The following GALNT14 variants were observed in gnomAD, a reference collection of about 807,000 sequenced individuals.
GALNT14 encodes the protein UDP-GalNAc:polypeptide N-acetylgalactosaminyltransferase 14.
In GALNT14, 60 loss-of-function variants were observed where a neutral mutation model predicts 77.5. The observed-to-expected ratio is 0.77, with a 90% CI of 0.63 to 0.96. The LOEUF is 0.96. Among genes scored for constraint, GALNT14 ranks in the 40% least tolerant of loss-of-function variants. GALNT14 has a pLI of 0.00. For missense variants in GALNT14, 710 were observed against 731.0 expected (o/e 0.97, Z 0.33); for synonymous variants, 280 against 281.7 (o/e 0.99, Z 0.06).
At chr2:31,102,170 A>AAT in intron 1 of GALNT14, among the ~76,000 whole-genome samples, 1 of 85,542 alleles carries the variant, frequency 1.2e-5, no homozygotes, top group Non-Finnish European at 2.2e-5. Context: ...CTAACTCATT[A>AAT]ATCTCTTTTA....
chr2:30,993,003 G>A lies in GALNT14; in HGVS notation c.134C>T (p.Ser45Leu), dbSNP rs867404786. Reference protein sequence around the residue: ...TGPEVQTPKPSDADWDDLWDQ... With the variant: ...TGPEVQTPKPLDADWDDLWDQ... ...CCACAGGTCGTCCCAGTCAGCGTCC[G>A]AAGGCTGCGTGACACGAATGGGAAG... is the stretch of plus-strand genomic sequence containing the variant. Residue 45 changes from serine to leucine, a missense_variant, in exon 2 of 15, where the codon TCG becomes TTG. By Grantham distance (145) the Ser-to-Leu change is moderately radical. Coordinates refer to ENST00000349752, the MANE Select transcript of GALNT14 (RefSeq NM_024572.4). 10 of 1,613,824 alleles carry A rather than the reference G, an allele frequency of 6.2e-6. No homozygotes were observed. The highest frequency in any genetic ancestry group is 4.5e-5 in the East Asian group (2 of 44,870).
intron 1 of GALNT14, among the ~76,000 whole-genome samples, chr2:31,068,359 CG>C (rs1675119107): frequency 6.6e-6 from 1 of 151,930 alleles, no homozygotes; most frequent in Non-Finnish European, 1.5e-5. Context: ...GGGTGGTACA[CG>C]CCTGTAATCC....
chr2:31,133,193 C>A (rs72856367), intron 1 of GALNT14, among the ~76,000 whole-genome samples: 3,926 of 152,228 alleles, frequency 0.026, 170 homozygotes, highest in African/African-American at 0.09. Context: ...TCAGCCACTC[C>A]GCGTGTATTA....
At chr2:30,970,434 G>A (rs777192667) in intron 2 of GALNT14, among the ~76,000 whole-genome samples, 34 of 152,164 alleles carry the variant, frequency 2.2e-4, no homozygotes, top group Admixed American at 7.2e-4. Flanking sequence ...GATGATGCAC[G>A]TAAGCACGTG....
At chr2:30,890,044 G>C in the GALNT14 span, among the ~76,000 whole-genome samples, 1 of 152,086 alleles carries the variant, frequency 6.6e-6, no homozygotes, top group Non-Finnish European at 1.5e-5. Flanking sequence ...ATGAACCTGT[G>C]GTCTCCCCAT....
chr2:30,922,603 C>G (rs1665098037), intron 13 of GALNT14, among the ~76,000 whole-genome samples: 1 of 152,206 alleles, frequency 6.6e-6, no homozygotes. Context: ...TGGCCTATTT[C>G]TACTCATCTC....
chr2:31,115,711 C>T (rs1245764936), intron 1 of GALNT14, among the ~76,000 whole-genome samples: 2 of 152,138 alleles, frequency 1.3e-5, no homozygotes, highest in African/African-American at 4.8e-5. Flanking sequence ...GGCCCATCTG[C>T]CCACAGGGTA....
chr2:30,913,853 C>T (rs1333913349), intron 13 of GALNT14, among the ~76,000 whole-genome samples: 2 of 152,140 alleles, frequency 1.3e-5, no homozygotes, highest in Non-Finnish European at 2.9e-5. Flanking sequence ...GGTACATGGG[C>T]GTTCTTTATA....
chr2:31,102,875 T>A (rs1463939753), intron 1 of GALNT14, among the ~76,000 whole-genome samples: 1 of 152,154 alleles, frequency 6.6e-6, no homozygotes, highest in East Asian at 1.9e-4. Context: ...TCTTATTTAA[T>A]GCATTTTAAT....
chr2:31,102,074 T>C (rs1462706516), intron 1 of GALNT14, among the ~76,000 whole-genome samples: 2 of 152,104 alleles, frequency 1.3e-5, no homozygotes, highest in South Asian at 4.1e-4. Flanking sequence ...TATAAATTAG[T>C]CTTGAGTATG....
intron 1 of GALNT14, among the ~76,000 whole-genome samples, chr2:31,133,264 A>G (rs1179977092): frequency 6.6e-6 from 1 of 152,246 alleles, no homozygotes. Flanking sequence ...GCGGGCAACA[A>G]GAACCCGTTG....
chr2:31,080,046 T>A (rs1676058669), intron 1 of GALNT14, among the ~76,000 whole-genome samples: 1 of 152,226 alleles, frequency 6.6e-6, no homozygotes, highest in Non-Finnish European at 1.5e-5. Context: ...CTCAAAGGGA[T>A]GCAGTGATAC....
Position 30,910,589 on chromosome 2 carries a change from T to C in GALNT14, c.*312A>G, listed in dbSNP as rs928340292. ...TTCTTTCTGGCCTCCAGAGACTGCT[T>C]CCTTTGTAGGAAAAGGAACAATAAA... On this transcript the variant is annotated 3_prime_UTR_variant, in exon 15 of 15. Coordinates refer to ENST00000349752, the MANE Select transcript of GALNT14 (RefSeq NM_024572.4). 3 of 256,994 alleles carry C rather than the reference T, an allele frequency of 1.2e-5. No homozygotes were observed. Among genetic ancestry groups the C allele is most frequent in the African/African-American group, 6.7e-5 (3 of 44,760 alleles). The allele number at this position is 256,994 out of a possible 1,614,324, so 15.9% of individuals were successfully genotyped here.
intron 1 of GALNT14, among the ~76,000 whole-genome samples, chr2:31,067,557 G>C (rs1675061937): frequency 1.3e-5 from 2 of 152,162 alleles, no homozygotes; most frequent in Non-Finnish European, 2.9e-5. Flanking sequence ...TGTAAAATAG[G>C]GTCCCTGGCT....
chr2:30,894,108 C>CT, the GALNT14 span, among the ~76,000 whole-genome samples: 3 of 144,110 alleles, frequency 2.1e-5, no homozygotes, highest in African/African-American at 8.5e-5. Context: ...CCAGCTCTGC[C>CT]TGCCCCCTTA....
At chr2:31,134,680 C>A (rs10168512) in intron 1 of GALNT14, among the ~76,000 whole-genome samples, 1 of 152,012 alleles carries the variant, frequency 6.6e-6, no homozygotes, top group Non-Finnish European at 1.5e-5. Context: ...GCCTTAGCAC[C>A]TCCCTTACAC....
At position 31,115,182 on chromosome 2, in the gene GALNT14, T is replaced by C. The variant is rs528635255; in HGVS notation, c.129+22776A>G. ...GGAAAGATCACTTGAGCCCAGGAGG[T>C]TGAGGTTGCAACGAGCTATCACCAT... On this transcript the variant is annotated intron_variant, in intron 1 of 14. Transcript: ENST00000349752. Among the ~76,000 whole-genome samples, 5 of 151,936 alleles carry C rather than the reference T, an allele frequency of 3.3e-5. No homozygotes were observed. The South Asian group carries it at 8.4e-4, about 25-fold the overall frequency.
chr2:30,887,428 C>T, the GALNT14 span, among the ~76,000 whole-genome samples: 1 of 152,110 alleles, frequency 6.6e-6, no homozygotes, highest in Non-Finnish European at 1.5e-5. Context: ...CATCCTAGTG[C>T]ATGGTATCTC....
At chr2:31,063,829 G>C (rs1674761574) in intron 1 of GALNT14, among the ~76,000 whole-genome samples, 1 of 152,074 alleles carries the variant, frequency 6.6e-6, no homozygotes. Context: ...AATTCTGAAT[G>C]GGAGTTCACT....
Sources: allele counts gnomAD v4.1 joint callset (sites outside exome capture counted in the v4.1 genomes callset), GRCh38; gene constraint gnomAD v4.1.1; transcripts MANE v1.5; gene names NCBI Gene and HGNC (gene_info 2026-07-23, HGNC 2026-07-21).